TRAF3: variants seen among roughly 807,000 people sequenced by gnomAD.
The protein encoded by TRAF3 is TNF receptor-associated factor 3.
In TRAF3, 13 loss-of-function variants were observed where a neutral mutation model predicts 62.3. That is an observed-to-expected ratio of 0.21 (90% CI 0.14 to 0.33). The LOEUF (loss-of-function observed/expected upper bound fraction) is 0.33. Among genes scored for constraint, TRAF3 ranks in the 10% least tolerant of loss-of-function variants. TRAF3 has a pLI of 1.00. For missense variants in TRAF3, 440 were observed against 741.8 expected (o/e 0.59, Z 4.73); for synonymous variants, 269 against 283.4 (o/e 0.95, Z 0.51).
chr14:102,827,730 AT>A (rs1900409692), intron 1 of TRAF3, among the ~76,000 whole-genome samples: 1 of 152,248 alleles, frequency 6.6e-6, no homozygotes, highest in African/African-American at 2.4e-5. Flanking sequence ...ACCAAAGGTC[AT>A]TTACTAAGCG....
chr14:102,833,737 G>A (rs543162306), intron 2 of TRAF3, among the ~76,000 whole-genome samples: 51 of 152,212 alleles, frequency 3.4e-4, no homozygotes, highest in Non-Finnish European at 5.4e-4. Context: ...GCTCACGCTT[G>A]TAATCCCAGC....
intron 4 of TRAF3, among the ~76,000 whole-genome samples, chr14:102,873,149 T>C (rs1001571065): frequency 1.3e-5 from 2 of 152,356 alleles, no homozygotes; most frequent in East Asian, 3.9e-4. Context: ...TTGGGTTTGT[T>C]GGTCAGAGCA....
intron 6 of TRAF3, among the ~76,000 whole-genome samples, chr14:102,879,297 A>T (rs1378546924): frequency 6.6e-6 from 1 of 151,958 alleles, no homozygotes; most frequent in Non-Finnish European, 1.5e-5. Flanking sequence ...TTTGAGAGAG[A>T]GTCTCACTCT....
chr14:102,850,688 T>TA (rs35096461), intron 2 of TRAF3, among the ~76,000 whole-genome samples: 4,550 of 87,320 alleles, frequency 0.052, 235 homozygotes, highest in African/African-American at 0.12. Flanking sequence ...AGACTCCGTC[T>TA]AAAAAAAAAA....
chr14:102,840,639 G>A (rs1406257701), intron 2 of TRAF3, among the ~76,000 whole-genome samples: 2 of 151,880 alleles, frequency 1.3e-5, no homozygotes, highest in Admixed American at 6.6e-5. Context: ...ATAAAACTTT[G>A]GTATTTTGTA....
In TRAF3 at chr14:102,911,281, G is replaced by A. The variant is rs781364046; in HGVS notation, c.*5497G>A. 6.6e-6 allele frequency: 1 copy of A among 152,194 alleles called. No homozygotes were observed. The highest frequency in any genetic ancestry group is 1.5e-5 in the Non-Finnish European group (1 of 68,034). 9.4% of individuals were successfully genotyped at this position (152,194 alleles called of 1,614,324 possible). A position where few individuals can be genotyped will look rare whatever the true frequency, so the allele number is the denominator to read the frequency against. Reference sequence around the variant, plus strand: ...AGCAATAATCATGTTGTTACTGTGAGTTAGCAACATGCCTGACTTCCTGAT... The same window carrying A: ...AGCAATAATCATGTTGTTACTGTGAATTAGCAACATGCCTGACTTCCTGAT... On this transcript the variant is annotated 3_prime_UTR_variant, in exon 12 of 12. Transcript: ENST00000392745.
intron 1 of TRAF3, among the ~76,000 whole-genome samples, chr14:102,785,812 A>T (rs1897469569): frequency 6.6e-6 from 1 of 152,296 alleles, no homozygotes; most frequent in East Asian, 1.9e-4. Context: ...CTGCTCCAGG[A>T]AGGGCTGTGA....
At chr14:102,841,293 T>C (rs1049851476) in intron 2 of TRAF3, among the ~76,000 whole-genome samples, 2 of 152,168 alleles carry the variant, frequency 1.3e-5, no homozygotes, top group South Asian at 2.1e-4. Context: ...CCTTGAGGCG[T>C]TGGCTGCATC....
intron 2 of TRAF3, among the ~76,000 whole-genome samples, chr14:102,850,938 G>A (rs1306256209): frequency 3.9e-5 from 6 of 152,124 alleles, no homozygotes; most frequent in Non-Finnish European, 8.8e-5. Flanking sequence ...GCTCAGTGAG[G>A]ATAGGCAGTG....
chr14:102,783,426 C>T (rs1341532026), intron 1 of TRAF3, among the ~76,000 whole-genome samples: 6 of 152,130 alleles, frequency 3.9e-5, no homozygotes, highest in African/African-American at 1.2e-4. Context: ...TCTTTCATGT[C>T]CAGTAATTCC....
intron 1 of TRAF3, among the ~76,000 whole-genome samples, chr14:102,820,056 C>T (rs993339936): frequency 2.0e-5 from 3 of 151,732 alleles, no homozygotes; most frequent in Non-Finnish European, 4.4e-5. Flanking sequence ...TCACCACATG[C>T]GGGTGGTGAG....
At chr14:102,794,010 A>G (rs1293257226) in intron 1 of TRAF3, among the ~76,000 whole-genome samples, 1 of 152,030 alleles carries the variant, frequency 6.6e-6, no homozygotes, top group Non-Finnish European at 1.5e-5. Context: ...ACATGCTTGG[A>G]TGGTTGGAAG....
chr14:102,884,144 G>A (rs1185900062), intron 6 of TRAF3, among the ~76,000 whole-genome samples: 1 of 152,162 alleles, frequency 6.6e-6, no homozygotes, highest in Non-Finnish European at 1.5e-5. Flanking sequence ...ACAACTGTAG[G>A]GAAGGCTTCC....
chr14:102,781,864 C>T (rs149869230), intron 1 of TRAF3, among the ~76,000 whole-genome samples: 2 of 151,040 alleles, frequency 1.3e-5, no homozygotes, highest in African/African-American at 4.9e-5. Flanking sequence ...GCGATCTCAG[C>T]TCACTGCAAC....
chr14:102,876,712 A>G, intron 6 of TRAF3, 187 bp downstream of exon 6: 1 of 746,204 alleles, frequency 1.3e-6, no homozygotes, highest in African/African-American at 1.8e-5. Context: ...CAATTCATAG[A>G]TAATCCGTTC....
At chr14:102,796,142 G>A (rs1422276976) in intron 1 of TRAF3, among the ~76,000 whole-genome samples, 4 of 152,194 alleles carry the variant, frequency 2.6e-5, no homozygotes, top group African/African-American at 7.2e-5. Flanking sequence ...GCTTGAACCC[G>A]GGAGGTGGAG....
At chr14:102,791,906 A>G (rs1897809669) in intron 1 of TRAF3, among the ~76,000 whole-genome samples, 1 of 151,504 alleles carries the variant, frequency 6.6e-6, no homozygotes, top group African/African-American at 2.4e-5. Context: ...TCTGCCTCCC[A>G]GGCTCAAGCG....
chr14:102,805,892 A>G (rs1286836636), intron 1 of TRAF3, among the ~76,000 whole-genome samples: 1 of 151,852 alleles, frequency 6.6e-6, no homozygotes, highest in Non-Finnish European at 1.5e-5. Context: ...TGTCATTTGG[A>G]CTAGTTGTTT....
At chr14:102,852,239 A>G (rs776883126) in intron 2 of TRAF3, among the ~76,000 whole-genome samples, 2 of 152,180 alleles carry the variant, frequency 1.3e-5, no homozygotes, top group African/African-American at 4.8e-5. Flanking sequence ...AGCAGGCACT[A>G]CAGGCACACG....
Sources: gnomAD v4.1 joint callset for allele counts (sites outside exome capture counted in the v4.1 genomes callset) on GRCh38, gnomAD v4.1.1 for gene constraint, MANE v1.5 for transcripts, NCBI Gene and HGNC (gene_info 2026-07-23, HGNC 2026-07-21) for gene names.